Variants in SAMD3 observed in about 807,000 individuals in gnomAD.
SAMD3 encodes the protein sterile alpha motif domain-containing protein 3.
A neutral mutation model predicts 58.5 loss-of-function variants in SAMD3; 63 were observed. The observed-to-expected ratio is 1.08, with a 90% CI of 0.88 to 1.33. The LOEUF is 1.33. Among genes scored for constraint, SAMD3 ranks in the 40% most tolerant of loss-of-function variants. The probability of loss-of-function intolerance (pLI) is 0.00; values close to 1 mark genes in which losing one functional copy is unlikely to be tolerated. For missense variants in SAMD3, 604 were observed against 608.4 expected (o/e 0.99, Z 0.08); for synonymous variants, 220 against 210.3 (o/e 1.05, Z -0.40).
chr6:130,192,238 A>T (rs902800505), intron 5 of SAMD3, among the ~76,000 whole-genome samples: 26 of 152,364 alleles, frequency 1.7e-4, no homozygotes, highest in Middle Eastern at 3.4e-3. Context: ...TATCAAATAT[A>T]ACATTGTATG....
intron 1 of SAMD3, among the ~76,000 whole-genome samples, chr6:130,360,966 T>C (rs1777970012): frequency 6.6e-6 from 1 of 152,214 alleles, no homozygotes; most frequent in Non-Finnish European, 1.5e-5. Context: ...AGTTTAAGGT[T>C]ATCTCTCTTA....
intron 5 of SAMD3, among the ~76,000 whole-genome samples, chr6:130,193,130 A>C (rs1490380303): frequency 6.6e-6 from 1 of 152,130 alleles, no homozygotes; most frequent in Non-Finnish European, 1.5e-5. Flanking sequence ...GTCACACTAC[A>C]CAGGGACACC....
At chr6:130,347,845 CA>C (rs747973243) in intron 1 of SAMD3, among the ~76,000 whole-genome samples, 50 of 152,296 alleles carry the variant, frequency 3.3e-4, no homozygotes, top group Non-Finnish European at 7.4e-4. Flanking sequence ...GGGTTACCCA[CA>C]AAGGGAAGCC....
At chr6:130,269,375 T>C (rs1040734891) in intron 2 of SAMD3, among the ~76,000 whole-genome samples, 10 of 152,316 alleles carry the variant, frequency 6.6e-5, no homozygotes, top group Admixed American at 2.0e-4. Flanking sequence ...TTTAAAAATA[T>C]GACTTCAATT....
At chr6:130,219,306 T>C (rs116992927) in intron 1 of SAMD3, among the ~76,000 whole-genome samples, 4,449 of 144,046 alleles carry the variant, frequency 0.031, 74 homozygotes, top group Middle Eastern at 0.041. Flanking sequence ...GAAACAGCCA[T>C]TTTTTTTAAA....
chr6:130,191,742 C>G (rs1485568401), intron 5 of SAMD3, among the ~76,000 whole-genome samples: 3 of 151,404 alleles, frequency 2.0e-5, no homozygotes, highest in Non-Finnish European at 2.9e-5. Context: ...ACAAATAAAA[C>G]AGGTGATAGG....
chr6:130,224,684 T>C (rs149346687), upstream of SAMD3, among the ~76,000 whole-genome samples: 400 of 151,734 alleles, frequency 2.6e-3, 3 homozygotes, highest in African/African-American at 9.3e-3. Context: ...AATGGCACGA[T>C]CTCAGCTCAC....
intron 2 of SAMD3, among the ~76,000 whole-genome samples, chr6:130,266,089 A>G (rs1774341307): frequency 6.6e-6 from 1 of 152,180 alleles, no homozygotes; most frequent in Non-Finnish European, 1.5e-5. Flanking sequence ...TCGCTAGAAA[A>G]AAGGGGAACG....
At chr6:130,266,826 C>A (rs1216069607) in intron 2 of SAMD3, among the ~76,000 whole-genome samples, 2 of 152,148 alleles carry the variant, frequency 1.3e-5, no homozygotes, top group African/African-American at 4.8e-5. Flanking sequence ...CGAAGCATAG[C>A]CATAGGTGAT....
intron 1 of SAMD3, among the ~76,000 whole-genome samples, chr6:130,363,653 A>C (rs1266738998): frequency 6.6e-6 from 1 of 152,176 alleles, no homozygotes; most frequent in Non-Finnish European, 1.5e-5. Flanking sequence ...GTTCCTACTT[A>C]AGGGATGGGA....
chr6:130,319,033 G>C (rs1776491977), intron 1 of SAMD3, among the ~76,000 whole-genome samples: 1 of 152,084 alleles, frequency 6.6e-6, no homozygotes, highest in South Asian at 2.1e-4. Flanking sequence ...GACAGATTAG[G>C]TATTGCAGAA....
intron 3 of SAMD3, 98 bp downstream of exon 3, chr6:130,215,097 A>G (rs1795915009): frequency 1.5e-6 from 1 of 654,792 alleles, no homozygotes; most frequent in South Asian, 2.0e-5. Flanking sequence ...ATTGACATGC[A>G]CACAGACATT....
At position 130,144,516 on chromosome 6, in the gene SAMD3, G is replaced by T. The variant is rs375337301; in HGVS notation, c.*4C>A. The T allele has an allele frequency of 1.8e-4, 292 of 1,611,708 alleles. No homozygotes were observed. The highest frequency in any genetic ancestry group is 2.3e-4 in the Non-Finnish European group (271 of 1,178,940). On this transcript the variant is annotated 3_prime_UTR_variant, in exon 12 of 12. Transcript: ENST00000439090. ...TAAATTCCAGTACAATATTTGGCAT[G>T]CTATTAAGTGAGTGGGTGCTGAAAT...
At chr6:130,168,701 T>A (rs1020277251) in intron 8 of SAMD3, among the ~76,000 whole-genome samples, 2 of 152,186 alleles carry the variant, frequency 1.3e-5, no homozygotes, top group Non-Finnish European at 2.9e-5. Context: ...TAGGAAATAA[T>A]TTTTTTCTGT....
chr6:130,344,191 C>G (rs1313331361), intron 1 of SAMD3, among the ~76,000 whole-genome samples: 1 of 152,226 alleles, frequency 6.6e-6, no homozygotes, highest in Non-Finnish European at 1.5e-5. Context: ...TCTCCTCTAA[C>G]TCCAACTAGT....
intron 2 of SAMD3, among the ~76,000 whole-genome samples, chr6:130,279,637 AGCAGGCCTG>A (rs1774913633): frequency 6.6e-6 from 1 of 152,022 alleles, no homozygotes; most frequent in Non-Finnish European, 1.5e-5. Flanking sequence ...GGCACCTGCC[AGCAGGCCTG>A]GCTAATTTTT....
intron 5 of SAMD3, among the ~76,000 whole-genome samples, chr6:130,191,105 G>T (rs1162652611): frequency 6.6e-6 from 1 of 151,366 alleles, no homozygotes; most frequent in Non-Finnish European, 1.5e-5. Context: ...ACTGTCATAT[G>T]CATGATAATC....
chr6:130,359,039 A>G (rs1016730991), intron 1 of SAMD3, among the ~76,000 whole-genome samples: 1 of 152,062 alleles, frequency 6.6e-6, no homozygotes, highest in Non-Finnish European at 1.5e-5. Context: ...CCACTTACTT[A>G]CTTGGATAAA....
chr6:130,303,250 A>G (rs1775811303), intron 2 of SAMD3, among the ~76,000 whole-genome samples: 1 of 151,972 alleles, frequency 6.6e-6, no homozygotes, highest in Non-Finnish European at 1.5e-5. Context: ...ACAAATCACA[A>G]TCTTTTCTGT....
Sources: gnomAD v4.1 joint callset for allele counts (sites outside exome capture counted in the v4.1 genomes callset) on GRCh38, gnomAD v4.1.1 for gene constraint, MANE v1.5 for transcripts, NCBI Gene and HGNC (gene_info 2026-07-23, HGNC 2026-07-21) for gene names.